TENM3: variants seen among roughly 807,000 people sequenced by gnomAD.
The protein encoded by TENM3 is teneurin transmembrane protein 3.
A neutral mutation model predicts 255.1 loss-of-function variants in TENM3; 63 were observed. The observed-to-expected ratio is 0.25, with a 90% CI of 0.20 to 0.30. The LOEUF (loss-of-function observed/expected upper bound fraction) is 0.30, where lower values mean the gene tolerates loss of function less well. Ranked by LOEUF, TENM3 falls within the 10% of genes least tolerant of loss-of-function variation. The pLI, the probability that TENM3 is intolerant of heterozygous loss-of-function variation, is 1.00. For synonymous variants in TENM3, 1,306 were observed against 1,322.3 expected, an observed-to-expected ratio of 0.99 and a Z score of 0.27; for missense variants, 2,929 against 3,461.1, an observed-to-expected ratio of 0.85 and a Z score of 3.86.
At chr4:182,459,732 A>G (rs1045720752) in intron 3 of TENM3, among the ~76,000 whole-genome samples, 37 of 152,204 alleles carry the variant, frequency 2.4e-4, no homozygotes, top group African/African-American at 8.2e-4. Context: ...CTGAGATATC[A>G]GTATAAACAC....
the TENM3 span, among the ~76,000 whole-genome samples, chr4:181,759,064 A>G: frequency 4.6e-5 from 7 of 152,166 alleles, no homozygotes; most frequent in Non-Finnish European, 8.8e-5. Flanking sequence ...CAATTTAACC[A>G]TTTAAAATCT....
chr4:181,885,388 G>A, the TENM3 span, among the ~76,000 whole-genome samples: 2 of 152,028 alleles, frequency 1.3e-5, no homozygotes, highest in Admixed American at 6.6e-5. Context: ...TCAGCCTCCC[G>A]AGTAGCTGGG....
intron 4 of TENM3, among the ~76,000 whole-genome samples, chr4:182,612,526 CAGG>C (rs770768772): frequency 2.0e-5 from 3 of 152,110 alleles, no homozygotes; most frequent in Non-Finnish European, 2.9e-5. Context: ...GATTTTTAGA[CAGG>C]AGAAAAATAC....
intron 6 of TENM3, among the ~76,000 whole-genome samples, chr4:182,664,253 A>T (rs2152535993): frequency 6.6e-6 from 1 of 152,276 alleles, no homozygotes; most frequent in Non-Finnish European, 1.5e-5. Context: ...AAAATATTTC[A>T]AACTTTTTCA....
chr4:182,570,957 T>G (rs1744300188), intron 3 of TENM3, among the ~76,000 whole-genome samples: 1 of 152,128 alleles, frequency 6.6e-6, no homozygotes, highest in Admixed American at 6.5e-5. Context: ...TAATTAGAGT[T>G]TGCTCTAAGA....
chr4:182,435,563 G>C (rs1456476354), intron 3 of TENM3, among the ~76,000 whole-genome samples: 1 of 152,206 alleles, frequency 6.6e-6, no homozygotes, highest in Admixed American at 6.5e-5. Flanking sequence ...CTCCAGCATG[G>C]GAACAGGGCT....
chr4:182,304,250 T>C (rs1357714871), intron 1 of TENM3, among the ~76,000 whole-genome samples: 1 of 152,166 alleles, frequency 6.6e-6, no homozygotes, highest in African/African-American at 2.4e-5. Flanking sequence ...TCTTGCTCTG[T>C]TGCCCAGGCT....
rs1451619048 is a variant in TENM3, at chr4:182,272,963, G to T, written c.-76+29487G>T. On this transcript the variant is annotated intron_variant, in intron 1 of 27. Coordinates refer to ENST00000511685, the MANE Select transcript of TENM3 (RefSeq NM_001080477.4). ...GGATCTGGAAGGGTTTTAAACTGGG[G>T]AGTGACAAGGTTTGATTTAAGTTTG... is the stretch of plus-strand genomic sequence containing the variant. 2.0e-5 allele frequency among the ~76,000 whole-genome samples: 3 copies of T among 152,144 alleles called. No homozygotes were observed. In the East Asian group the frequency reaches 5.8e-4, roughly 29 times the overall value.
At chr4:181,827,432 C>T in the TENM3 span, among the ~76,000 whole-genome samples, 1,413 of 152,274 alleles carry the variant, frequency 9.3e-3, 22 homozygotes, top group African/African-American at 0.032. Flanking sequence ...AGCGTGGCTC[C>T]GTGTACCACC....
At chr4:181,587,054 A>G in the TENM3 span, among the ~76,000 whole-genome samples, 1 of 152,104 alleles carries the variant, frequency 6.6e-6, no homozygotes, top group South Asian at 2.1e-4. Flanking sequence ...CACCATTTCT[A>G]CTGTATTTGG....
At chr4:181,701,472 G>T in the TENM3 span, among the ~76,000 whole-genome samples, 1 of 152,086 alleles carries the variant, frequency 6.6e-6, no homozygotes, top group South Asian at 2.1e-4. Flanking sequence ...AAACCCTGTA[G>T]TCAGACGAGG....
the TENM3 span, among the ~76,000 whole-genome samples, chr4:181,753,599 C>T: frequency 2.2e-4 from 34 of 152,136 alleles, no homozygotes; most frequent in Non-Finnish European, 3.7e-4. Context: ...GGTGCTTTGG[C>T]ATGAGCCATT....
At chr4:182,601,748 C>G (rs1436708841) in intron 4 of TENM3, among the ~76,000 whole-genome samples, 1 of 152,168 alleles carries the variant, frequency 6.6e-6, no homozygotes, top group African/African-American at 2.4e-5. Context: ...TGACACAGTT[C>G]TATTAGGAAG....
At chr4:181,762,918 T>TA in the TENM3 span, among the ~76,000 whole-genome samples, 92,486 of 149,942 alleles carry the variant, frequency 0.62, 28,458 homozygotes, top group East Asian at 0.72. Context: ...ACAGTGGTAG[T>TA]AAAAAAAAAA....
intron 1 of TENM3, among the ~76,000 whole-genome samples, chr4:182,161,660 CACAA>C (rs1378987447): frequency 4.9e-4 from 40 of 82,264 alleles, no homozygotes; most frequent in East Asian, 5.6e-4. Context: ...TATACACACA[CACAA>C]ATATATATAT....
At chr4:181,766,339 C>T in the TENM3 span, among the ~76,000 whole-genome samples, 1 of 152,190 alleles carries the variant, frequency 6.6e-6, no homozygotes, top group East Asian at 1.9e-4. Context: ...CGGGCTCCTA[C>T]CGTTGCCACC....
At chr4:182,705,832 T>C (rs1041457622) in intron 12 of TENM3, among the ~76,000 whole-genome samples, 2 of 152,236 alleles carry the variant, frequency 1.3e-5, no homozygotes, top group African/African-American at 4.8e-5. Context: ...TTTTGGTTTC[T>C]GGTTTTTTCA....
At chr4:182,395,008 G>A (rs1381941322) in intron 3 of TENM3, among the ~76,000 whole-genome samples, 1 of 152,092 alleles carries the variant, frequency 6.6e-6, no homozygotes, top group Non-Finnish European at 1.5e-5. Flanking sequence ...ATATTGAATG[G>A]TGGCAGATCA....
chr4:181,951,550 A>G, the TENM3 span, among the ~76,000 whole-genome samples: 2 of 152,254 alleles, frequency 1.3e-5, no homozygotes, highest in Admixed American at 6.5e-5. Flanking sequence ...GGCAAAGTCC[A>G]TATTTGAAAT....
Sources: gnomAD v4.1 joint callset for allele counts (sites outside exome capture counted in the v4.1 genomes callset) on GRCh38, gnomAD v4.1.1 for gene constraint, MANE v1.5 for transcripts, NCBI Gene and HGNC (gene_info 2026-07-23, HGNC 2026-07-21) for gene names.